The following CEMIP variants were observed in gnomAD, a reference collection of about 807,000 sequenced individuals.
CEMIP encodes the protein cell migration-inducing and hyaluronan-binding protein.
In CEMIP, 105 loss-of-function variants were observed where a neutral mutation model predicts 156.9. That is an observed-to-expected ratio of 0.67 (90% confidence interval 0.57 to 0.79). CEMIP has a LOEUF of 0.79. Among genes scored for constraint, CEMIP ranks in the 30% least tolerant of loss-of-function variants. CEMIP has a pLI of 0.00. For synonymous variants in CEMIP, 676 were observed against 668.4 expected (o/e 1.01, Z -0.17); for missense variants, 1,457 against 1,769.4 (o/e 0.82, Z 3.17).
intron 12 of CEMIP, among the ~76,000 whole-genome samples, chr15:80,897,566 G>A (rs909601791): frequency 6.6e-6 from 1 of 152,216 alleles, no homozygotes; most frequent in Admixed American, 6.5e-5. Flanking sequence ...GAGAGGGAAA[G>A]AAGCAGCAGC....
chr15:80,889,441 G>T (rs774499290), intron 9 of CEMIP, 30 bp from the exon 10 acceptor site: 1 of 1,613,728 alleles, frequency 6.2e-7, no homozygotes, highest in Admixed American at 1.7e-5. Flanking sequence ...ACAACCTCCT[G>T]TCTGACTGTG....
intron 14 of CEMIP, chr15:80,909,911 G>T: frequency 3.4e-6 from 1 of 292,362 alleles, no homozygotes; most frequent in Non-Finnish European, 6.8e-6. Context: ...ATGGTACCCC[G>T]CAAGCTGAAT....
chr15:80,827,192 C>T (rs1897056177), intron 1 of CEMIP, among the ~76,000 whole-genome samples: 1 of 152,136 alleles, frequency 6.6e-6, no homozygotes, highest in African/African-American at 2.4e-5. Flanking sequence ...ATTTGAAGCA[C>T]ATGATTAACT....
chr15:80,879,992 G>T, intron 5 of CEMIP, 138 bp downstream of exon 5: 1 of 960,768 alleles, frequency 1.0e-6, no homozygotes, highest in Non-Finnish European at 1.6e-6. Context: ...TGGGGATCAT[G>T]AACAAGACAG....
rs534270600 is a variant in CEMIP, at chr15:80,833,119, T to G, written c.-175-40419T>G. 2.0e-5 allele frequency among the ~76,000 whole-genome samples: 3 copies of G among 152,370 alleles called. No individual in the cohort carries two copies. In the South Asian group the frequency reaches 6.2e-4, roughly 32 times the overall value. ...AGTCAGTCATTAAAGTTAGTCCATA[T>G]GCACAGACAGGGGAATTAGACCCCA... On this transcript the variant is annotated intron_variant, in intron 1 of 29. Coordinates refer to ENST00000394685, the MANE Select transcript of CEMIP (RefSeq NM_001293298.2).
chr15:80,937,695 T>G, intron 24 of CEMIP, 99 bp from the exon 25 acceptor site: 2 of 1,077,336 alleles, frequency 1.9e-6, no homozygotes, highest in Non-Finnish European at 1.4e-6. Flanking sequence ...GGAGGTGTCA[T>G]TTGGTGGAGA....
At chr15:80,808,859 G>T (rs865828000) in intron 1 of CEMIP, among the ~76,000 whole-genome samples, 2 of 151,596 alleles carry the variant, frequency 1.3e-5, no homozygotes, top group African/African-American at 4.8e-5. Flanking sequence ...GAAAAAATTA[G>T]AAAGTAGAAC....
At position 80,881,140 on chromosome 15, in the gene CEMIP, A is replaced by C; in HGVS notation, c.617+4A>C. On this transcript the variant is annotated splice_donor_region_variant and intron_variant, in intron 6 of 29. Coordinates refer to ENST00000394685, the MANE Select transcript of CEMIP (RefSeq NM_001293298.2). ...GCACAGTCATCCATTCTGACCGGTA[A>C]GGTTTGCCTTCACTTAAACGTATAC... 1 of 1,612,626 alleles carries C rather than the reference A, an allele frequency of 6.2e-7. No individual in the cohort carries two copies. The highest frequency in any genetic ancestry group is 1.1e-5 in the South Asian group (1 of 91,038).
At chr15:80,816,325 T>A (rs1896787258) in intron 1 of CEMIP, among the ~76,000 whole-genome samples, 1 of 152,148 alleles carries the variant, frequency 6.6e-6, no homozygotes, top group Non-Finnish European at 1.5e-5. Flanking sequence ...AGTGGAAAGC[T>A]CTGAAATCAA....
At chr15:80,798,483 T>G (rs918166006) in intron 1 of CEMIP, among the ~76,000 whole-genome samples, 1 of 152,170 alleles carries the variant, frequency 6.6e-6, no homozygotes, top group Non-Finnish European at 1.5e-5. Flanking sequence ...TTATTCAAAT[T>G]AACAGTCTCA....
At chr15:80,936,329 CTT>C (rs1429789322) in intron 23 of CEMIP, among the ~76,000 whole-genome samples, 1 of 152,218 alleles carries the variant, frequency 6.6e-6, no homozygotes, top group Non-Finnish European at 1.5e-5. Flanking sequence ...CTCTCTCTCT[CTT>C]ACTCCCTTCC....
rs1334323264 is a variant in CEMIP at position 80,950,690 on chromosome 15, C to T, written c.*1766C>T. The T allele has an allele frequency of 6.6e-6, 1 of 152,658 alleles. No homozygotes were observed. 9.5% of individuals were successfully genotyped at this position (152,658 alleles called of 1,614,324 possible). A position where few individuals can be genotyped will look rare whatever the true frequency, so the allele number is the denominator to read the frequency against. On this transcript the variant is annotated 3_prime_UTR_variant, in exon 30 of 30. Coordinates refer to ENST00000394685, the MANE Select transcript of CEMIP (RefSeq NM_001293298.2). ...GTGTCTGAACAGCTATTGGGTCCAC[C>T]CCAGTCCCTTTCAGCTGCTGCTTAA...
chr15:80,927,756 G>C (rs1900751433), intron 19 of CEMIP, among the ~76,000 whole-genome samples: 1 of 152,150 alleles, frequency 6.6e-6, no homozygotes, highest in Admixed American at 6.5e-5. Flanking sequence ...GAGGGGACCA[G>C]GAGCCTAGCA....
intron 1 of CEMIP, among the ~76,000 whole-genome samples, chr15:80,802,374 T>C (rs554050998): frequency 3.2e-4 from 48 of 152,336 alleles, no homozygotes; most frequent in African/African-American, 1.1e-3. Context: ...TCGCCCTTCC[T>C]GATGGCTCTG....
intron 6 of CEMIP, among the ~76,000 whole-genome samples, chr15:80,883,225 G>T (rs1898723212): frequency 1.3e-5 from 2 of 152,154 alleles, no homozygotes; most frequent in African/African-American, 4.8e-5. Flanking sequence ...TCCTTACATG[G>T]GGAAGAGTTG....
intron 24 of CEMIP, 24 bp downstream of exon 24, chr15:80,936,909 C>T (rs755064479): frequency 6.2e-7 from 1 of 1,607,274 alleles, no homozygotes; most frequent in South Asian, 1.1e-5. Context: ...CAGCCAGGAG[C>T]AGTGAGCTCA....
At chr15:80,916,149 G>C (rs1214708670) in intron 14 of CEMIP, among the ~76,000 whole-genome samples, 1 of 152,214 alleles carries the variant, frequency 6.6e-6, no homozygotes, top group Middle Eastern at 3.2e-3. Context: ...GATTTGCACA[G>C]AATGGTCCAT....
intron 19 of CEMIP, among the ~76,000 whole-genome samples, chr15:80,926,938 C>G (rs1900707030): frequency 1.3e-5 from 2 of 150,334 alleles, no homozygotes; most frequent in South Asian, 4.3e-4. Flanking sequence ...TCAAGCAATT[C>G]TCCTGCCTCA....
At chr15:80,791,189 G>T (rs923724233) in intron 1 of CEMIP, among the ~76,000 whole-genome samples, 2 of 152,110 alleles carry the variant, frequency 1.3e-5, no homozygotes, top group Non-Finnish European at 2.9e-5. Context: ...GGGCAGGGCT[G>T]TAGATCCTTA....
Sources: allele counts gnomAD v4.1 joint callset (sites outside exome capture counted in the v4.1 genomes callset), GRCh38; gene constraint gnomAD v4.1.1; transcripts MANE v1.5; gene names NCBI Gene and HGNC (gene_info 2026-07-23, HGNC 2026-07-21).